The following ANAPC1 variants were observed in gnomAD, a reference collection of about 807,000 sequenced individuals.
The protein encoded by ANAPC1 is anaphase promoting complex subunit 1.
ANAPC1 carries 36 observed loss-of-function variants against 208.0 expected under a neutral mutation model. The observed-to-expected ratio is 0.17, with a 90% CI of 0.13 to 0.23. The LOEUF is 0.23. Among genes scored for constraint, ANAPC1 ranks in the 10% least tolerant of loss-of-function variants. The pLI is 1.00. For synonymous variants in ANAPC1, 378 were observed against 695.2 expected (o/e 0.54, Z 7.18); for missense variants, 942 against 2,011.6 (o/e 0.47, Z 10.17).
intron 21 of ANAPC1, among the ~76,000 whole-genome samples, chr2:111,828,597 C>T (rs1182599444): frequency 6.6e-6 from 1 of 152,180 alleles, no homozygotes; most frequent in Non-Finnish European, 1.5e-5. Flanking sequence ...CAATGGAATA[C>T]TATATAGAAT....
At position 111,834,603 on chromosome 2, in the gene ANAPC1, C is replaced by T. The variant is rs1204568771; in HGVS notation, c.2384+1G>A. On this transcript the variant is annotated splice_donor_variant, in intron 19 of 47. Transcript: ENST00000341068. LOFTEE classifies it high-confidence loss of function. The stretch of plus-strand genomic sequence containing the variant: ...AGTTTCTAACCTACAAACAAATTTA[C>T]CTTGCCAACTGAACGAGAAGTTCAA... 1 of 1,582,276 alleles carries T rather than the reference C, an allele frequency of 6.3e-7. No individual in the cohort carries two copies. Among genetic ancestry groups the T allele is most frequent in the Admixed American group, 1.8e-5 (1 of 55,626 alleles).
chr2:111,845,805 T>C (rs1441010350), intron 16 of ANAPC1, among the ~76,000 whole-genome samples: 4 of 151,722 alleles, frequency 2.6e-5, no homozygotes, highest in Admixed American at 2.6e-4. Flanking sequence ...AAACCCCGTC[T>C]CTACTAAAAA....
chr2:111,880,912 A>G, intron 1 of ANAPC1, 63 bp from the exon 2 acceptor site: 3 of 1,362,374 alleles, frequency 2.2e-6, no homozygotes, highest in Non-Finnish European at 3.1e-6. Context: ...AAAATACCAT[A>G]AACACACAAG....
chr2:111,791,703 G>A (rs562357595), intron 38 of ANAPC1, among the ~76,000 whole-genome samples: 42 of 152,260 alleles, frequency 2.8e-4, no homozygotes, highest in Non-Finnish European at 7.4e-5. Flanking sequence ...CAAAATCAAC[G>A]TAAGGTGTTA....
chr2:111,833,507 A>T (rs187310374), intron 19 of ANAPC1, among the ~76,000 whole-genome samples, 196 bp from the exon 20 acceptor site: 1 of 152,084 alleles, frequency 6.6e-6, no homozygotes, highest in East Asian at 1.9e-4. Flanking sequence ...CTTTTTGCTA[A>T]ATTTTGTGGA....
At chr2:111,791,041 T>A (rs567393341) in intron 38 of ANAPC1, among the ~76,000 whole-genome samples, 1 of 152,200 alleles carries the variant, frequency 6.6e-6, no homozygotes, top group Non-Finnish European at 1.5e-5. Flanking sequence ...TACTTAAAAA[T>A]TGATAAGTTT....
Position 111,860,983 on chromosome 2 carries a change from C to T in ANAPC1, c.1262+1406G>A, listed in dbSNP as rs1039593832. Among the ~76,000 whole-genome samples the T allele has an allele frequency of 1.9e-4, 29 of 152,336 alleles. 1 individual carries two copies. The highest frequency in any genetic ancestry group is 7.0e-4 in the African/African-American group (29 of 41,574). On this transcript the variant is annotated intron_variant, in intron 10 of 47. Transcript: ENST00000341068. ...TGACAATTCCACATTTATTGTTCTG[C>T]TCTTTCCCAAACTTCCGACACACTT...
At chr2:111,799,333 T>C (rs1420377457) in intron 34 of ANAPC1, among the ~76,000 whole-genome samples, 5 of 152,152 alleles carry the variant, frequency 3.3e-5, no homozygotes, top group Non-Finnish European at 5.9e-5. Context: ...CAGCCAACAC[T>C]CTCAAACACT....
chr2:111,855,421 C>T (rs1433395231), intron 13 of ANAPC1, among the ~76,000 whole-genome samples: 1 of 152,016 alleles, frequency 6.6e-6, no homozygotes, highest in Admixed American at 6.5e-5. Context: ...CACGAAGTTG[C>T]CACAAACCTT....
intron 3 of ANAPC1, 50 bp downstream of exon 3, chr2:111,878,760 T>C (rs1683148332): frequency 1.2e-6 from 2 of 1,600,656 alleles, no homozygotes; most frequent in Non-Finnish European, 1.7e-6. Flanking sequence ...AAAACTTTTT[T>C]TTAATTGCAT....
chr2:111,840,263 C>T (rs7582980), intron 17 of ANAPC1, among the ~76,000 whole-genome samples: 90,422 of 151,560 alleles, frequency 0.6, 27,467 homozygotes, highest in South Asian at 0.69. Flanking sequence ...CACCACATTA[C>T]ATATGTGAAA....
chr2:111,819,493 T>C (rs1420457591), intron 26 of ANAPC1: 1 of 136,210 alleles, frequency 7.3e-6, no homozygotes, highest in Non-Finnish European at 1.5e-5. Flanking sequence ...CCAAGGGAAA[T>C]ACAGATTGGT....
chr2:111,847,229 A>G, intron 15 of ANAPC1, 31 bp from the exon 16 acceptor site: 2 of 1,561,974 alleles, frequency 1.3e-6, no homozygotes, highest in Non-Finnish European at 1.8e-6. Context: ...AAGTAGATAA[A>G]ATCTGTGCAT....
chr2:111,832,075 T>C (rs1334555429), intron 20 of ANAPC1, among the ~76,000 whole-genome samples: 13 of 145,816 alleles, frequency 8.9e-5, no homozygotes, highest in Non-Finnish European at 1.5e-4. Context: ...GGTGGATCAC[T>C]TGAGGTCAGG....
At chr2:111,812,245 G>A (rs1163957930) in intron 28 of ANAPC1, among the ~76,000 whole-genome samples, 42 of 117,252 alleles carry the variant, frequency 3.6e-4, no homozygotes, top group African/African-American at 1.3e-3. Flanking sequence ...TTCATGGAAG[G>A]GTATCATGTT....
intron 7 of ANAPC1, 132 bp from the exon 8 acceptor site, chr2:111,865,083 C>G (rs527429263): frequency 3.0e-6 from 2 of 674,266 alleles, no homozygotes; most frequent in East Asian, 6.5e-5. Flanking sequence ...TTATTACTAT[C>G]TTAAATAATT....
chr2:111,793,016 G>A (rs1446694134), intron 37 of ANAPC1, among the ~76,000 whole-genome samples: 2 of 152,050 alleles, frequency 1.3e-5, no homozygotes, highest in African/African-American at 2.4e-5. Flanking sequence ...GTTCAACAGA[G>A]ATAATTTCAA....
At chr2:111,821,704 T>A in intron 25 of ANAPC1, 1 of 432,350 alleles carries the variant, frequency 2.3e-6, no homozygotes, top group Non-Finnish European at 4.3e-6. Flanking sequence ...GAGGCCGAGG[T>A]GGGCGGATCA....
chr2:111,815,162 A>AG, intron 28 of ANAPC1, among the ~76,000 whole-genome samples: 2 of 147,852 alleles, frequency 1.4e-5, no homozygotes, highest in East Asian at 2.0e-4. Flanking sequence ...AAAAAAAAAA[A>AG]AAAAGCAATG....
Sources: allele counts gnomAD v4.1 joint callset (sites outside exome capture counted in the v4.1 genomes callset), GRCh38; gene constraint gnomAD v4.1.1; transcripts MANE v1.5; gene names NCBI Gene and HGNC (gene_info 2026-07-23, HGNC 2026-07-21).